GRIK2: variants seen among roughly 807,000 people sequenced by gnomAD.
GRIK2 encodes glutamate receptor ionotropic, kainate 2.
In GRIK2, 32 loss-of-function variants were observed where a neutral mutation model predicts 100.3. The observed-to-expected ratio is 0.32, with a 90% confidence interval of 0.24 to 0.43. GRIK2 has a LOEUF of 0.43. GRIK2 is among the 20% of genes least tolerant of loss of function. The pLI is 1.00. For synonymous variants in GRIK2, 417 were observed against 389.4 expected (o/e 1.07, Z -0.83); for missense variants, 843 against 1,114.9 (o/e 0.76, Z 3.47).
At chr6:102,060,004 A>T (rs1027077483) in intron 16 of GRIK2, among the ~76,000 whole-genome samples, 1 of 149,394 alleles carries the variant, frequency 6.7e-6, no homozygotes, top group Admixed American at 6.7e-5. Flanking sequence ...TAAGAAATAA[A>T]ATATATATAT....
chr6:101,849,946 A>C (rs1784039860), intron 10 of GRIK2, among the ~76,000 whole-genome samples: 2 of 151,460 alleles, frequency 1.3e-5, no homozygotes, highest in South Asian at 4.2e-4. Flanking sequence ...GCCACAAATA[A>C]ACTTTACAAG....
intron 2 of GRIK2, among the ~76,000 whole-genome samples, chr6:101,613,899 T>C (rs1779788009): frequency 6.6e-6 from 1 of 151,808 alleles, no homozygotes; most frequent in Non-Finnish European, 1.5e-5. Flanking sequence ...AAGATAATCA[T>C]GTTTAAGTTG....
At chr6:102,044,789 T>G (rs1007299529) in intron 15 of GRIK2, among the ~76,000 whole-genome samples, 3 of 152,040 alleles carry the variant, frequency 2.0e-5, no homozygotes, top group African/African-American at 7.2e-5. Context: ...GGTTTCCTTC[T>G]GCCTGAGTTT....
intron 14 of GRIK2, among the ~76,000 whole-genome samples, chr6:101,932,613 A>G (rs1790362856): frequency 6.6e-6 from 1 of 151,550 alleles, no homozygotes; most frequent in Non-Finnish European, 1.5e-5. Context: ...TTATTGTTAA[A>G]TTACTAATCC....
intron 3 of GRIK2, among the ~76,000 whole-genome samples, chr6:101,623,850 A>G (rs1208960932): frequency 6.6e-6 from 1 of 152,126 alleles, no homozygotes; most frequent in Non-Finnish European, 1.5e-5. Context: ...TATCTTCTGA[A>G]TCTCTTGTTT....
chr6:101,688,090 A>G (rs534728917), intron 7 of GRIK2, among the ~76,000 whole-genome samples: 29 of 146,380 alleles, frequency 2.0e-4, no homozygotes, highest in Admixed American at 8.9e-4. Flanking sequence ...ATATAAAAAT[A>G]TATATTATAT....
chr6:101,464,849 G>A (rs1310533244), intron 2 of GRIK2, among the ~76,000 whole-genome samples: 1 of 152,044 alleles, frequency 6.6e-6, no homozygotes, highest in Non-Finnish European at 1.5e-5. Context: ...AGACTTTGTG[G>A]TGGATTTTTC....
chr6:101,873,566 GT>G (rs1391024229), intron 11 of GRIK2, among the ~76,000 whole-genome samples: 5 of 152,148 alleles, frequency 3.3e-5, no homozygotes. Flanking sequence ...ACATGTGCAT[GT>G]TTCTTTATAG....
intron 7 of GRIK2, among the ~76,000 whole-genome samples, chr6:101,787,377 T>G (rs1429127442): frequency 2.6e-5 from 4 of 151,986 alleles, no homozygotes; most frequent in African/African-American, 9.7e-5. Flanking sequence ...CTTTTCTAGT[T>G]CTTGAGGTGC....
intron 2 of GRIK2, among the ~76,000 whole-genome samples, chr6:101,595,320 G>A (rs904457305): frequency 3.3e-5 from 5 of 151,546 alleles, no homozygotes; most frequent in African/African-American, 1.2e-4. Context: ...TTCAGTATTT[G>A]GGGGTATATG....
intron 14 of GRIK2, among the ~76,000 whole-genome samples, chr6:101,983,703 C>T (rs1793851546): frequency 6.6e-6 from 1 of 151,708 alleles, no homozygotes; most frequent in Non-Finnish European, 1.5e-5. Context: ...TAACTTTTCT[C>T]ACCTGAAATA....
intron 7 of GRIK2, among the ~76,000 whole-genome samples, chr6:101,709,787 A>G (rs1773576888): frequency 6.6e-6 from 1 of 151,694 alleles, no homozygotes; most frequent in African/African-American, 2.4e-5. Context: ...GGTTCAAATC[A>G]TATGTTTCTA....
intron 2 of GRIK2, among the ~76,000 whole-genome samples, chr6:101,410,090 A>G (rs1271728094): frequency 1.3e-5 from 2 of 152,128 alleles, no homozygotes; most frequent in African/African-American, 4.8e-5. Context: ...TCAAATATAT[A>G]CAACATCAGA....
chr6:101,935,504 G>C (rs1168442083), intron 14 of GRIK2, among the ~76,000 whole-genome samples: 1 of 151,804 alleles, frequency 6.6e-6, no homozygotes, highest in African/African-American at 2.4e-5. Context: ...AAAGCATAAA[G>C]GTCCATATTT....
At chr6:101,675,767 G>A (rs1389974281) in intron 4 of GRIK2, among the ~76,000 whole-genome samples, 1 of 152,136 alleles carries the variant, frequency 6.6e-6, no homozygotes, top group African/African-American at 2.4e-5. Flanking sequence ...CTTTACAAAT[G>A]TGTGCAGGTA....
chr6:101,982,445 G>T (rs1359275808), intron 14 of GRIK2, among the ~76,000 whole-genome samples: 2 of 151,850 alleles, frequency 1.3e-5, no homozygotes, highest in East Asian at 3.9e-4. Context: ...TGGGGCAATA[G>T]ACTGAGCAGC....
intron 14 of GRIK2, among the ~76,000 whole-genome samples, chr6:101,930,444 T>G (rs1411638011): frequency 6.6e-6 from 1 of 152,152 alleles, no homozygotes; most frequent in African/African-American, 2.4e-5. Context: ...CGTGATGCAT[T>G]TAATTTATTC....
chr6:101,399,979 C>T (rs1279872466), intron 2 of GRIK2, among the ~76,000 whole-genome samples: 1 of 152,188 alleles, frequency 6.6e-6, no homozygotes, highest in African/African-American at 2.4e-5. Flanking sequence ...AAAAAATGTT[C>T]TAAGATTCGA....
chr6:101,988,241 T>A (rs1794161287), intron 14 of GRIK2, among the ~76,000 whole-genome samples: 1 of 151,628 alleles, frequency 6.6e-6, no homozygotes, highest in Admixed American at 6.6e-5. Context: ...AAATTAATCA[T>A]TATGTCTTAT....
Sources: gnomAD v4.1 joint callset for allele counts (sites outside exome capture counted in the v4.1 genomes callset) on GRCh38, gnomAD v4.1.1 for gene constraint, MANE v1.5 for transcripts, NCBI Gene and HGNC (gene_info 2026-07-23, HGNC 2026-07-21) for gene names.